The following CEP112 variants were observed in gnomAD, a reference collection of about 807,000 sequenced individuals.
The protein encoded by CEP112 is centrosomal protein 112.
Under a neutral mutation model 153.0 loss-of-function variants are expected in CEP112, and 127 were observed. That is an observed-to-expected ratio of 0.83 (90% confidence interval 0.72 to 0.96). CEP112 has a LOEUF of 0.96. Ranked by LOEUF, CEP112 falls within the 40% of genes least tolerant of loss-of-function variation. The probability of loss-of-function intolerance (pLI) is 0.00; values close to 1 mark genes in which losing one functional copy is unlikely to be tolerated. For missense variants in CEP112, 1,089 were observed against 1,101.2 expected (o/e 0.99, Z 0.16); for synonymous variants, 358 against 374.4 (o/e 0.96, Z 0.51).
intron 19 of CEP112, among the ~76,000 whole-genome samples, chr17:65,926,696 G>C (rs547136882): frequency 2.1e-5 from 3 of 141,230 alleles, no homozygotes; most frequent in African/African-American, 9.3e-5. Context: ...CTGGGTGAGA[G>C]AGTGAGACTC....
intron 21 of CEP112, among the ~76,000 whole-genome samples, chr17:65,764,152 G>A (rs2052790272): frequency 6.6e-6 from 1 of 152,014 alleles, no homozygotes; most frequent in African/African-American, 2.4e-5. Flanking sequence ...GCTGTAGGTG[G>A]TTATCTCCCT....
At chr17:66,092,829 A>G (rs2068194803) in intron 8 of CEP112, among the ~76,000 whole-genome samples, 1 of 152,230 alleles carries the variant, frequency 6.6e-6, no homozygotes, top group Non-Finnish European at 1.5e-5. Flanking sequence ...ATATTTTCAT[A>G]ATAAAAACAA....
chr17:65,691,011 G>A (rs940553812), intron 23 of CEP112, among the ~76,000 whole-genome samples: 1 of 152,082 alleles, frequency 6.6e-6, no homozygotes, highest in South Asian at 2.1e-4. Context: ...GGGGCCAGGT[G>A]GTAGCAGCTG....
At chr17:66,110,353 AAAAAG>A (rs2068974179) in intron 6 of CEP112, among the ~76,000 whole-genome samples, 1 of 152,022 alleles carries the variant, frequency 6.6e-6, no homozygotes, top group African/African-American at 2.4e-5. Flanking sequence ...AAAAAGAAAA[AAAAAG>A]AAAAGAAAAG....
At chr17:65,972,127 T>C (rs868407715) in intron 17 of CEP112, among the ~76,000 whole-genome samples, 1 of 152,188 alleles carries the variant, frequency 6.6e-6, no homozygotes, top group African/African-American at 2.4e-5. Context: ...ACATGGAACA[T>C]TATCAACATA....
intron 16 of CEP112, among the ~76,000 whole-genome samples, chr17:66,008,721 C>G (rs2064382040): frequency 6.6e-6 from 1 of 152,106 alleles, no homozygotes; most frequent in Non-Finnish European, 1.5e-5. Context: ...CTGGTAACCA[C>G]CATTCTATTA....
At chr17:65,969,563 T>C (rs1046034530) in intron 17 of CEP112, among the ~76,000 whole-genome samples, 2 of 150,994 alleles carry the variant, frequency 1.3e-5, no homozygotes, top group Non-Finnish European at 2.9e-5. Context: ...TGTGTGCATG[T>C]ATATTACACA....
chr17:66,130,515 C>T (rs1049274269), intron 5 of CEP112, among the ~76,000 whole-genome samples: 1 of 152,046 alleles, frequency 6.6e-6, no homozygotes. Flanking sequence ...GTGGCTCACA[C>T]CTGTAATCCC....
intron 11 of CEP112, among the ~76,000 whole-genome samples, chr17:66,055,724 G>C (rs2066653884): frequency 6.6e-6 from 1 of 152,108 alleles, no homozygotes; most frequent in Non-Finnish European, 1.5e-5. Flanking sequence ...CTGTCGGAGG[G>C]GTGGCTGTAA....
intron 16 of CEP112, among the ~76,000 whole-genome samples, chr17:66,024,429 C>T (rs956603199): frequency 6.6e-6 from 1 of 151,906 alleles, no homozygotes; most frequent in Admixed American, 6.6e-5. Flanking sequence ...AACAATTTCT[C>T]CCCCCAAAAA....
At chr17:65,880,626 C>T (rs932172182) in intron 20 of CEP112, among the ~76,000 whole-genome samples, 2 of 152,126 alleles carry the variant, frequency 1.3e-5, no homozygotes, top group Non-Finnish European at 2.9e-5. Context: ...TTTCTGAGTT[C>T]CTTGTCTGCT....
intron 19 of CEP112, among the ~76,000 whole-genome samples, chr17:65,915,294 C>T (rs764998562): frequency 2.6e-5 from 4 of 152,250 alleles, no homozygotes; most frequent in Middle Eastern, 3.4e-3. Context: ...CATTCTATTT[C>T]ACAACCATTG....
intron 20 of CEP112, among the ~76,000 whole-genome samples, chr17:65,877,676 G>C (rs2146560509): frequency 6.6e-6 from 1 of 152,268 alleles, no homozygotes; most frequent in South Asian, 2.1e-4. Flanking sequence ...AAAACCCTAT[G>C]TAAGAACACT....
At chr17:65,968,341 A>G (rs1190019107) in intron 17 of CEP112, among the ~76,000 whole-genome samples, 1 of 152,168 alleles carries the variant, frequency 6.6e-6, no homozygotes, top group Non-Finnish European at 1.5e-5. Flanking sequence ...CAATATTTCA[A>G]AGTAACTGGA....
intron 23 of CEP112, among the ~76,000 whole-genome samples, chr17:65,710,823 T>A (rs2049143068): frequency 6.6e-6 from 1 of 152,224 alleles, no homozygotes; most frequent in Non-Finnish European, 1.5e-5. Context: ...CCCGCTCTTT[T>A]CTAAATAAGG....
intron 20 of CEP112, among the ~76,000 whole-genome samples, chr17:65,853,873 C>T (rs561942782): frequency 8.5e-5 from 13 of 152,154 alleles, no homozygotes; most frequent in African/African-American, 2.9e-4. Flanking sequence ...TAGTCTATCT[C>T]CCATTAATTC....
intron 23 of CEP112, among the ~76,000 whole-genome samples, chr17:65,737,729 TACAAGGAGAACC>T (rs1283253687): frequency 6.6e-6 from 1 of 152,220 alleles, no homozygotes; most frequent in Non-Finnish European, 1.5e-5. Context: ...CAGTTTCACT[TACAAGGAGAACC>T]ACTATGCTTC....
At chr17:65,940,471 G>A (rs2061473964) in intron 18 of CEP112, among the ~76,000 whole-genome samples, 1 of 152,072 alleles carries the variant, frequency 6.6e-6, no homozygotes, top group Non-Finnish European at 1.5e-5. Flanking sequence ...CAATAGACAA[G>A]ATATGGAATC....
intron 20 of CEP112, among the ~76,000 whole-genome samples, chr17:65,888,806 T>C (rs562447557): frequency 7.9e-5 from 12 of 152,260 alleles, no homozygotes; most frequent in African/African-American, 2.9e-4. Context: ...TCTAGGAATC[T>C]GGGCATTTTA....
Sources: gnomAD v4.1 joint callset for allele counts (sites outside exome capture counted in the v4.1 genomes callset) on GRCh38, gnomAD v4.1.1 for gene constraint, MANE v1.5 for transcripts, NCBI Gene and HGNC (gene_info 2026-07-23, HGNC 2026-07-21) for gene names.